The following DSCAM variants were observed in gnomAD, a reference collection of about 807,000 sequenced individuals.
DSCAM encodes the protein DS cell adhesion molecule.
A neutral mutation model predicts 217.7 loss-of-function variants in DSCAM; 47 were observed. That is an observed-to-expected ratio of 0.22 (90% CI 0.17 to 0.28). The LOEUF (loss-of-function observed/expected upper bound fraction) is 0.28. Ranked by LOEUF, DSCAM falls within the 10% of genes least tolerant of loss-of-function variation. DSCAM has a pLI of 1.00. For synonymous variants in DSCAM, 1,056 were observed against 1,015.3 expected, an observed-to-expected ratio of 1.04 and a Z score of -0.76; for missense variants, 2,080 against 2,618.3, an observed-to-expected ratio of 0.79 and a Z score of 4.49.
At position 40,708,683 on chromosome 21, in the gene DSCAM, C is replaced by T. The variant is rs193187789; in HGVS notation, c.132G>A (p.Val44=). The change falls in exon 2 of 33, where the codon GTG becomes GTA. Residue 44 remains valine (V), a synonymous_variant. Transcript: ENST00000400454. ...GAGGGATGCCTGCTGCGGGGCAGGG[C>T]ACCAGAGTCCCCGTGGTGCTGGCAA... ...VVFASTTGTL[V]PCPAAGIPPV... is the part of the protein sequence containing the mutation. The T allele has an allele frequency of 4.8e-5, 77 of 1,612,600 alleles. 1 individual carries two copies. The East Asian group carries it at 1.6e-3, about 33-fold the overall frequency.
At chr21:40,596,979 C>T (rs905158676) in intron 3 of DSCAM, among the ~76,000 whole-genome samples, 1 of 152,040 alleles carries the variant, frequency 6.6e-6, no homozygotes, top group African/African-American at 2.4e-5. Flanking sequence ...TCATCTTCTA[C>T]ACTTGTCTTT....
At chr21:40,438,115 C>T (rs183317516) in intron 3 of DSCAM, among the ~76,000 whole-genome samples, 5 of 152,282 alleles carry the variant, frequency 3.3e-5, no homozygotes, top group African/African-American at 7.2e-5. Context: ...GACACAGCAT[C>T]GAGTCTGTAT....
intron 11 of DSCAM, among the ~76,000 whole-genome samples, chr21:40,265,201 A>AAAAAG (rs1555896385): frequency 2.0e-5 from 3 of 151,440 alleles, no homozygotes; most frequent in African/African-American, 7.3e-5. Context: ...GTCTCAAAAA[A>AAAAAG]AAAAGAAAAA....
At chr21:40,302,923 C>G (rs998415129) in intron 9 of DSCAM, among the ~76,000 whole-genome samples, 2 of 152,102 alleles carry the variant, frequency 1.3e-5, no homozygotes, top group Admixed American at 6.6e-5. Flanking sequence ...TATAATAAGA[C>G]AGGCATTTTT....
intron 3 of DSCAM, among the ~76,000 whole-genome samples, chr21:40,601,548 TTGAAAAGGAGTGA>T (rs1200448552): frequency 3.3e-5 from 5 of 152,218 alleles, no homozygotes; most frequent in Non-Finnish European, 7.4e-5. Context: ...CAGCACAATG[TTGAAAAGGAGTGA>T]TGAAAAGGAA....
chr21:40,609,680 A>G lies in DSCAM; in HGVS notation c.508+83130T>C, dbSNP rs1464901345. ...GACTCAGGAAGGGGAGAGCATTGTTAGGACTGAATTGTTGGGGAAGATGGT... is the reference window on the plus strand; with the variant it reads ...GACTCAGGAAGGGGAGAGCATTGTTGGGACTGAATTGTTGGGGAAGATGGT... On this transcript the variant is annotated intron_variant, in intron 3 of 32. Transcript: ENST00000400454. Among the ~76,000 whole-genome samples the G allele has an allele frequency of 2.0e-5, 3 of 152,246 alleles. No homozygotes were observed. The East Asian group carries it at 5.8e-4, about 29-fold the overall frequency.
intron 1 of DSCAM, among the ~76,000 whole-genome samples, chr21:40,834,450 T>C (rs2092040606): frequency 6.8e-6 from 1 of 147,334 alleles, no homozygotes; most frequent in Non-Finnish European, 1.5e-5. Context: ...ATAATAATAA[T>C]AATAATAATA....
chr21:40,252,232 C>A (rs2073314568), intron 11 of DSCAM, among the ~76,000 whole-genome samples: 1 of 152,126 alleles, frequency 6.6e-6, no homozygotes, highest in Admixed American at 6.5e-5. Flanking sequence ...GTTACAAAGA[C>A]ATAGATAATA....
chr21:40,284,453 C>T (rs1003817239), intron 10 of DSCAM, among the ~76,000 whole-genome samples: 79 of 152,334 alleles, frequency 5.2e-4, no homozygotes, highest in African/African-American at 1.8e-3. Flanking sequence ...GGCTTGAAAG[C>T]CTGAAAACTA....
rs147738256 is a variant in DSCAM at position 40,311,211 on chromosome 21, A to T, written c.2062+870T>A. 2.1e-3 allele frequency among the ~76,000 whole-genome samples: 318 copies of T among 152,370 alleles called. 1 individual carries two copies. The highest frequency in any genetic ancestry group is 4.5e-3 in the African/African-American group (186 of 41,586). On this transcript the variant is annotated intron_variant, in intron 9 of 32. Transcript: ENST00000400454. Reference sequence around the variant, plus strand: ...ACAATCTGGGGAATTTTAAAATGCAAATAATCATTGTTAATATAAATCTTT... The same window carrying T: ...ACAATCTGGGGAATTTTAAAATGCATATAATCATTGTTAATATAAATCTTT...
At position 40,712,469 on chromosome 21, in the gene DSCAM, C is replaced by CAAAAAAAAA. The variant is rs571819417; in HGVS notation, c.44-3707_44-3699dup. 4.0e-4 allele frequency among the ~76,000 whole-genome samples: 11 copies of CAAAAAAAAA among 27,330 alleles called. 1 individual carries two copies. The highest frequency in any genetic ancestry group is 4.5e-4 in the African/African-American group (4 of 8,956). The allele number at this position is 27,330 out of a possible 152,430, so 17.9% of individuals were successfully genotyped here. On this transcript the variant is annotated intron_variant, in intron 1 of 32. Coordinates refer to ENST00000400454, the MANE Select transcript of DSCAM (RefSeq NM_001389.5). ...TGGGCGACAGAGCGAGACTCCGTCT[C>CAAAAAAAAA]AAAAAAAAAAAAAAAAAAAAAAAAA...
chr21:40,399,269 C>CACAAAACAAAACAAA (rs74879612), intron 3 of DSCAM, among the ~76,000 whole-genome samples: 333 of 150,308 alleles, frequency 2.2e-3, no homozygotes, highest in African/African-American at 7.6e-3. Flanking sequence ...GACCCTGTCT[C>CACAAAACAAAACAAA]ACAAAACAAA....
intron 4 of DSCAM, among the ~76,000 whole-genome samples, chr21:40,364,974 GAAAATA>G (rs906892377): frequency 7.4e-5 from 11 of 149,512 alleles, no homozygotes; most frequent in East Asian, 3.9e-4. Context: ...CTCTTATACT[GAAAATA>G]AAAATAAAAA....
chr21:40,199,489 G>C (rs1456902880), intron 11 of DSCAM, among the ~76,000 whole-genome samples: 3 of 152,158 alleles, frequency 2.0e-5, no homozygotes, highest in Non-Finnish European at 4.4e-5. Flanking sequence ...TGTAGAATGA[G>C]TTATAATCCT....
chr21:40,152,724 C>T (rs1000495431), intron 16 of DSCAM, among the ~76,000 whole-genome samples: 4 of 152,270 alleles, frequency 2.6e-5, no homozygotes, highest in East Asian at 1.9e-4. Context: ...GGCTGCAAGC[C>T]GCCTGTGGCA....
At chr21:40,429,793 G>A (rs374280132) in intron 3 of DSCAM, among the ~76,000 whole-genome samples, 2 of 152,196 alleles carry the variant, frequency 1.3e-5, no homozygotes, top group South Asian at 2.1e-4. Context: ...TCCAGAATAT[G>A]TTACTTATTT....
At chr21:40,078,049 T>C (rs1296028983) in intron 26 of DSCAM, among the ~76,000 whole-genome samples, 1 of 152,228 alleles carries the variant, frequency 6.6e-6, no homozygotes, top group African/African-American at 2.4e-5. Context: ...TGGCCCTTGA[T>C]ACCAGAAAAA....
chr21:40,045,216 C>T (rs955868347), intron 30 of DSCAM, among the ~76,000 whole-genome samples: 1 of 152,210 alleles, frequency 6.6e-6, no homozygotes, highest in African/African-American at 2.4e-5. Context: ...TTTTGTTTCT[C>T]ATATTACTAC....
intron 14 of DSCAM, among the ~76,000 whole-genome samples, chr21:40,181,151 G>A (rs2090795640): frequency 6.6e-6 from 1 of 152,098 alleles, no homozygotes; most frequent in Non-Finnish European, 1.5e-5. Context: ...GGATGTCCAT[G>A]CATACATTTC....
Sources: gnomAD v4.1 joint callset for allele counts (sites outside exome capture counted in the v4.1 genomes callset) on GRCh38, gnomAD v4.1.1 for gene constraint, MANE v1.5 for transcripts, NCBI Gene and HGNC (gene_info 2026-07-23, HGNC 2026-07-21) for gene names.